Variants in CARMIL3 observed in about 807,000 individuals in gnomAD.
CARMIL3 encodes capping protein, Arp2/3 and myosin-I linker protein 3.
CARMIL3 carries 88 observed loss-of-function variants against 180.8 expected under a neutral mutation model. That is an observed-to-expected ratio of 0.49 (90% CI 0.41 to 0.58). The LOEUF (loss-of-function observed/expected upper bound fraction) is 0.58, where lower values mean the gene tolerates loss of function less well. Among genes scored for constraint, CARMIL3 ranks in the 20% least tolerant of loss-of-function variants. The pLI, the probability that CARMIL3 is intolerant of heterozygous loss-of-function variation, is 0.00. For synonymous variants in CARMIL3, 696 were observed against 714.5 expected (o/e 0.97, Z 0.41); for missense variants, 1,548 against 1,787.0 (o/e 0.87, Z 2.41).
intron 36 of CARMIL3, among the ~76,000 whole-genome samples, 172 bp from the exon 37 acceptor site, chr14:24,068,412 A>G (rs1188470286): frequency 1.3e-5 from 2 of 151,274 alleles, no homozygotes; most frequent in Admixed American, 6.6e-5. Flanking sequence ...AAAAAAAAAG[A>G]AAGAAAGAAA....
chr14:24,068,971 G>A lies in CARMIL3; in HGVS notation c.3982+5G>A. 4.5e-6 allele frequency: 7 copies of A among 1,548,432 alleles called. No individual in the cohort carries two copies. The highest frequency in any genetic ancestry group is 1.2e-5 in the South Asian group (1 of 84,478). On this transcript the variant is annotated splice_donor_5th_base_variant and intron_variant, in intron 38 of 39. Transcript: ENST00000342740. ...AAGAGGAGCCCGAAGTCCAAGGTCTGCCACCCTGGCTGAGTGGGGGGCTCA... is the reference window on the plus strand; with the variant it reads ...AAGAGGAGCCCGAAGTCCAAGGTCTACCACCCTGGCTGAGTGGGGGGCTCA...
Position 24,058,042 on chromosome 14 carries a change from A to G in CARMIL3, c.1300A>G (p.Lys434Glu), listed in dbSNP as rs748069197. 6 of 1,613,646 alleles carry G rather than the reference A, an allele frequency of 3.7e-6. No individual in the cohort carries two copies. Among genetic ancestry groups the G allele is most frequent in the Non-Finnish European group, 5.1e-6 (6 of 1,179,958 alleles). Residue 434 changes from lysine (K) to glutamate (E), a missense_variant, in exon 16 of 40, where the codon AAG becomes GAG. By Grantham distance (56) the Lys-to-Glu change is moderately conservative. Transcript: ENST00000342740. The surrounding 1 kb of genome is among the most constrained non-coding windows in gnomAD (Gnocchi z 6.4). ...TLSHVNLSAT[K>E]LPLEALRALL... is the part of the protein sequence containing the mutation. ...GAGCCACGTCAATCTGTCGGCCACAAAGCTGCCCCTGGAGGCCCTCAGGTC... is the reference window on the plus strand; with the variant it reads ...GAGCCACGTCAATCTGTCGGCCACAGAGCTGCCCCTGGAGGCCCTCAGGTC...
At chr14:24,056,831 C>T (rs1001865236) in intron 12 of CARMIL3, 84 bp from the exon 13 acceptor site, 1 of 1,538,410 alleles carries the variant, frequency 6.5e-7, no homozygotes, top group Non-Finnish European at 8.9e-7. Flanking sequence ...AAAGGAGCCA[C>T]GTTTGGGGAG....
At position 24,058,293 on chromosome 14, in the gene CARMIL3, C is replaced by T. The variant is rs998659876; in HGVS notation, c.1392+69C>T. 6.6e-7 allele frequency: 1 copy of T among 1,521,296 alleles called. No individual in the cohort carries two copies. Among genetic ancestry groups the T allele is most frequent in the Admixed American group, 1.9e-5 (1 of 51,980 alleles). The allele number at this position is 1,521,296 out of a possible 1,614,324, so 94.2% of individuals were successfully genotyped here. On this transcript the variant is annotated intron_variant, in intron 17 of 39. Transcript: ENST00000342740. The surrounding 1 kb of genome is among the most constrained non-coding windows in gnomAD (Gnocchi z 6.4). ...GTGCATTTCTCAGACCTAAGTCAAA[C>T]CCTGGCTCCATCTAGCCTCTGTGCT...
intron 29 of CARMIL3, 60 bp from the exon 30 acceptor site, chr14:24,063,060 T>C: frequency 1.3e-6 from 2 of 1,591,656 alleles, no homozygotes; most frequent in Non-Finnish European, 1.7e-6. Flanking sequence ...TAAGGTTTCA[T>C]GAGGAATGGA....
intron 1 of CARMIL3, among the ~76,000 whole-genome samples, chr14:24,053,047 C>T (rs1008018554): frequency 2.0e-5 from 3 of 150,842 alleles, no homozygotes; most frequent in Admixed American, 6.5e-5. Context: ...AGATGGCACC[C>T]CAGCACACGC....
Position 24,064,330 on chromosome 14 carries a change from C to T in CARMIL3, c.3064C>T (p.Leu1022=), listed in dbSNP as rs10146906. The T allele has an allele frequency of 6.2e-7, 1 of 1,609,306 alleles. No individual in the cohort carries two copies. Among genetic ancestry groups the T allele is most frequent in the South Asian group, 1.1e-5 (1 of 90,232 alleles). The part of the protein sequence containing the change: ...GLEDFFSRRV[L]EESSSYPRTL... The stretch of plus-strand genomic sequence containing the variant: ...GGAGGACTTCTTCAGCCGAAGGGTC[C>T]TGGAGGAAAGTTCTAGGTGTGATGC... Residue 1022 remains leucine (L), a synonymous_variant, in exon 32 of 40, where the codon CTG becomes TTG. Transcript: ENST00000342740.
At chr14:24,062,922 A>G in intron 29 of CARMIL3, 76 bp downstream of exon 29, 1 of 1,549,072 alleles carries the variant, frequency 6.5e-7, no homozygotes, top group Non-Finnish European at 8.7e-7. Context: ...GTCCCCTTCC[A>G]CTGATCTGTA....
intron 31 of CARMIL3, among the ~76,000 whole-genome samples, chr14:24,063,953 G>A (rs1305374240): frequency 6.7e-6 from 1 of 148,612 alleles, no homozygotes; most frequent in African/African-American, 2.6e-5. Context: ...AATTAGCCGG[G>A]CGTGGTGGCG....
chr14:24,055,693 G>A lies in CARMIL3; in HGVS notation c.682-8G>A, dbSNP rs1047672583. The A allele has an allele frequency of 6.2e-7, 1 of 1,614,082 alleles. No individual in the cohort carries two copies. Among genetic ancestry groups the A allele is most frequent in the Non-Finnish European group, 8.5e-7 (1 of 1,180,016 alleles). ...GCCCCTGATCACAAGACCCCCCTCT[G>A]TCCTCAGGGCTCTGAAGTGCTAGAA... On this transcript the variant is annotated splice_polypyrimidine_tract_variant and splice_region_variant and intron_variant, in intron 9 of 39. Transcript: ENST00000342740.
rs998230223 is a variant in CARMIL3 at position 24,058,550 on chromosome 14, A to T, written c.1393-130A>T. 1.2e-5 allele frequency: 9 copies of T among 730,768 alleles called. No homozygotes were observed. The highest frequency in any genetic ancestry group is 1.8e-5 in the African/African-American group (1 of 56,684). 45.3% of individuals were successfully genotyped at this position (730,768 alleles called of 1,614,324 possible). A position where few individuals can be genotyped will look rare whatever the true frequency, so the allele number is the denominator to read the frequency against. On this transcript the variant is annotated intron_variant, in intron 17 of 39. Coordinates refer to ENST00000342740, the MANE Select transcript of CARMIL3 (RefSeq NM_138360.4). This position sits in a 1 kb window ranked among gnomAD's most constrained non-coding sequence, Gnocchi z 6.4. ...AGGGAAGGATCTGGTGTGGGGAAAG[A>T]GTCTCCCTGATTTTACACCCAGATC... is the stretch of plus-strand genomic sequence containing the variant.
At chr14:24,064,816 C>A in intron 32 of CARMIL3, 142 bp from the exon 33 acceptor site, 2 of 861,364 alleles carry the variant, frequency 2.3e-6, no homozygotes, top group South Asian at 1.6e-5. Flanking sequence ...ACAGGAAAGG[C>A]AAGGGCATCA....
chr14:24,064,821 G>C (rs998387119), intron 32 of CARMIL3, 137 bp from the exon 33 acceptor site: 2 of 877,310 alleles, frequency 2.3e-6, no homozygotes, highest in African/African-American at 3.4e-5. Flanking sequence ...AAAGGCAAGG[G>C]CATCATCTCC....
Position 24,055,233 on chromosome 14 carries a change from C to T in CARMIL3, c.532-4C>T. On this transcript the variant is annotated splice_region_variant and splice_polypyrimidine_tract_variant and intron_variant, in intron 7 of 39. Transcript: ENST00000342740. ...CAGGTGTGAGCCAGTTCCACCTCTC[C>T]AAGGATGTGGACACCATCTACCATG... 2 of 1,614,060 alleles carry T rather than the reference C, an allele frequency of 1.2e-6. No individual in the cohort carries two copies.
Position 24,059,772 on chromosome 14 carries a change from C to A in CARMIL3, c.1868+40C>A. 6.2e-7 allele frequency: 1 copy of A among 1,600,334 alleles called. No individual in the cohort carries two copies. The highest frequency in any genetic ancestry group is 8.6e-7 in the Non-Finnish European group (1 of 1,168,156). On this transcript the variant is annotated intron_variant, in intron 22 of 39. Coordinates refer to ENST00000342740, the MANE Select transcript of CARMIL3 (RefSeq NM_138360.4). This position sits in a 1 kb window ranked among gnomAD's most constrained non-coding sequence, Gnocchi z 6.3. ...GTCCTGCCCTGATCCAAGTCCCCAG[C>A]CTCCCTGTGCCTGGATCAGGCCTGA...
At chr14:24,064,394 A>C in intron 32 of CARMIL3, 48 bp downstream of exon 32, 1 of 1,405,082 alleles carries the variant, frequency 7.1e-7, no homozygotes, top group Non-Finnish European at 9.9e-7. Flanking sequence ...CCAAGGCCCT[A>C]GAAGGGCTGC....
At position 24,055,782 on chromosome 14, in the gene CARMIL3, C is replaced by A; in HGVS notation, c.763C>A (p.Leu255Ile). Residue 255 changes from leucine (L) to isoleucine (I), a missense_variant, in exon 10 of 40, where the codon CTT (leucine) becomes ATT (isoleucine). Physicochemically the swap from Leu to Ile is conservative, Grantham distance 5. Transcript: ENST00000342740. ...LEELVLDNAG[L>I]KTDFVQKLAG... ...AGAGCTGGTGCTGGACAACGCCGGG[C>A]TTAAGACGTGAGGCCAGTCTCCTCC... The A allele has an allele frequency of 6.2e-7, 1 of 1,614,016 alleles. No homozygotes were observed. The highest frequency in any genetic ancestry group is 8.5e-7 in the Non-Finnish European group (1 of 1,179,906).
Position 24,063,531 on chromosome 14 carries a change from A to C in CARMIL3, c.2977A>C (p.Ser993Arg), listed in dbSNP as rs750785306. 6.2e-7 allele frequency: 1 copy of C among 1,608,806 alleles called. No individual in the cohort carries two copies. The highest frequency in any genetic ancestry group is 1.7e-5 in the Admixed American group (1 of 59,526). Residue 993 changes from serine (S) to arginine (R), a missense_variant and splice_region_variant, in exon 31 of 40, where the codon AGT becomes CGT. Physicochemically the swap from Ser to Arg is moderately radical, Grantham distance 110. This residue lies in a region of CARMIL3 where 668 missense variants were observed against 687.8 expected (regional missense o/e 0.97). Transcript: ENST00000342740. ...CACACCTCCAGGACCTGGTCGACCCAGTGTGAGTCCCTAAGGCTTCACAAG... is the reference window on the plus strand; with the variant it reads ...CACACCTCCAGGACCTGGTCGACCCCGTGTGAGTCCCTAAGGCTTCACAAG... The part of the protein sequence containing the change: ...RTTPPGPGRP[S>R]MPAPGTRQEN...
chr14:24,053,229 A>G (rs1390994408), intron 1 of CARMIL3, among the ~76,000 whole-genome samples: 1 of 152,064 alleles, frequency 6.6e-6, no homozygotes, highest in Non-Finnish European at 1.5e-5. Flanking sequence ...CACCAATGCC[A>G]CACTCAGGCT....
Sources: gnomAD v4.1 joint callset for allele counts (sites outside exome capture counted in the v4.1 genomes callset) on GRCh38, gnomAD v4.1.1 for gene constraint, gnomAD v4.1.1 regional missense constraint, Gnocchi (gnomAD v3.1) non-coding constraint, MANE v1.5 for transcripts, NCBI Gene and HGNC (gene_info 2026-07-23, HGNC 2026-07-21) for gene names.